The following IQUB variants were observed in gnomAD, a reference collection of about 807,000 sequenced individuals.
IQUB encodes the protein IQ motif and ubiquitin-like domain-containing protein.
In IQUB, 86 loss-of-function variants were observed where a neutral mutation model predicts 86.4. The observed-to-expected ratio is 1.00, with a 90% CI of 0.84 to 1.19. IQUB has a LOEUF of 1.19. IQUB is among the 50% of genes most tolerant of loss of function. IQUB has a pLI of 0.00. For synonymous variants in IQUB, 289 were observed against 304.5 expected (o/e 0.95, Z 0.53); for missense variants, 946 against 916.9 (o/e 1.03, Z -0.41).
At chr7:123,460,340 T>C (rs890808337) in intron 11 of IQUB, among the ~76,000 whole-genome samples, 1 of 152,012 alleles carries the variant, frequency 6.6e-6, no homozygotes, top group Non-Finnish European at 1.5e-5. Flanking sequence ...TTACTATAGA[T>C]TGAGATTTAA....
rs77359931 is a variant in IQUB, at chr7:123,482,274, A to T, written c.1235-2304T>A. On this transcript the variant is annotated intron_variant, in intron 7 of 12. Transcript: ENST00000324698. The stretch of plus-strand genomic sequence containing the variant: ...GATAAAATAAAAATGCATTAATCTA[A>T]GACAGAGCCAAGTAAAAAAAATTAA... Among the ~76,000 whole-genome samples the T allele has an allele frequency of 6.0e-3, 910 of 152,192 alleles. 8 individuals carry two copies. Among genetic ancestry groups the T allele is most frequent in the African/African-American group, 0.02 (846 of 41,552 alleles).
At chr7:123,458,161 A>ATCAAAAAGAGGGGTAATG (rs1770672647) in intron 11 of IQUB, 1 of 152,016 alleles carries the variant, frequency 6.6e-6, no homozygotes, top group South Asian at 2.1e-4. Context: ...GGTTGTTTTA[A>ATCAAAAAGAGGGGTAATG]TCAAAAAGAG....
chr7:123,482,413 A>G (rs1191481339), intron 7 of IQUB, among the ~76,000 whole-genome samples: 1 of 152,026 alleles, frequency 6.6e-6, no homozygotes, highest in Non-Finnish European at 1.5e-5. Context: ...ATTTATATAG[A>G]CATATCATAT....
intron 10 of IQUB, among the ~76,000 whole-genome samples, chr7:123,463,287 T>C (rs1396106935): frequency 1.3e-5 from 2 of 151,746 alleles, no homozygotes; most frequent in African/African-American, 2.4e-5. Flanking sequence ...TGCCACTTTC[T>C]AGGAATTTAC....
chr7:123,454,266 G>A (rs1401991360), intron 12 of IQUB, among the ~76,000 whole-genome samples: 1 of 151,954 alleles, frequency 6.6e-6, no homozygotes, highest in Admixed American at 6.6e-5. Flanking sequence ...GAACTTTATA[G>A]GTTTTCAAGG....
At chr7:123,453,586 G>A (rs1401494361) in intron 12 of IQUB, among the ~76,000 whole-genome samples, 1 of 151,802 alleles carries the variant, frequency 6.6e-6, no homozygotes, top group African/African-American at 2.4e-5. Context: ...ATCACTAAGA[G>A]CCCACCAAGC....
intron 8 of IQUB, among the ~76,000 whole-genome samples, chr7:123,471,019 G>T (rs1794496949): frequency 6.6e-6 from 1 of 152,048 alleles, no homozygotes; most frequent in South Asian, 2.1e-4. Flanking sequence ...CAAAGTAATG[G>T]CATCATATTC....
chr7:123,500,514 A>G lies in IQUB; in HGVS notation c.1023+2083T>C, dbSNP rs549822841. On this transcript the variant is annotated intron_variant, in intron 6 of 12. Coordinates refer to ENST00000324698, the MANE Select transcript of IQUB (RefSeq NM_178827.5). Reference sequence around the variant, plus strand: ...AAATATCATCTTTCTTGAAACAAGAAAGATTTAAAATAGTAAGCAGTGAAC... The same window carrying G: ...AAATATCATCTTTCTTGAAACAAGAGAGATTTAAAATAGTAAGCAGTGAAC... Among the ~76,000 whole-genome samples the G allele has an allele frequency of 3.3e-4, 51 of 152,300 alleles. 1 individual carries two copies. The highest frequency in any genetic ancestry group is 2.5e-3 in the Admixed American group (38 of 15,290).
chr7:123,511,758 G>C (rs995447584), intron 2 of IQUB, among the ~76,000 whole-genome samples, 186 bp downstream of exon 2: 2 of 152,130 alleles, frequency 1.3e-5, no homozygotes, highest in African/African-American at 4.8e-5. Context: ...AGATACTGCA[G>C]AATAGAGAAG....
chr7:123,470,637 G>T (rs1327736201), intron 8 of IQUB, among the ~76,000 whole-genome samples: 1 of 152,134 alleles, frequency 6.6e-6, no homozygotes, highest in African/African-American at 2.4e-5. Context: ...AGATCACGAG[G>T]TCAGGAGATC....
At chr7:123,532,827 C>G (rs895613973) in intron 1 of IQUB, 1 of 152,302 alleles carries the variant, frequency 6.6e-6, no homozygotes, top group Admixed American at 6.5e-5. Flanking sequence ...GGCCTGCGAG[C>G]CCCGTCCCGG....
chr7:123,490,147 C>CA (rs1177678777), intron 7 of IQUB, among the ~76,000 whole-genome samples: 5 of 151,292 alleles, frequency 3.3e-5, no homozygotes, highest in Admixed American at 2.6e-4. Context: ...ATGTTGCCTA[C>CA]AAAAAACACA....
chr7:123,496,839 T>A lies in IQUB; in HGVS notation c.1091A>T (p.Gln364Leu). 1 of 1,612,786 alleles carries A rather than the reference T, an allele frequency of 6.2e-7. No individual in the cohort carries two copies. The highest frequency in any genetic ancestry group is 8.5e-7 in the Non-Finnish European group (1 of 1,179,438). ...AKIFVENLRR[Q>L]KSLRLEWETQ... is the part of the protein sequence containing the mutation. ...TTCCCATTCCAGTCTTAAGCTTTTC[T>A]GTCTTCTTAAATTCTCTACGAAGAT... Residue 364 changes from glutamine to leucine, a missense_variant, in exon 7 of 13, where the codon CAG (glutamine) becomes CTG (leucine). Gln to Leu is a moderately radical substitution (Grantham distance 113). Transcript: ENST00000324698.
intron 1 of IQUB, among the ~76,000 whole-genome samples, chr7:123,516,312 AAAT>A (rs1189898591): frequency 2.0e-5 from 3 of 152,244 alleles, no homozygotes; most frequent in African/African-American, 7.2e-5. Context: ...GGCTGTATAA[AAAT>A]AATGTCATAA....
At chr7:123,507,892 T>G (rs1268705540) in intron 3 of IQUB, among the ~76,000 whole-genome samples, 1 of 151,286 alleles carries the variant, frequency 6.6e-6, no homozygotes, top group African/African-American at 2.4e-5. Context: ...AAAATTAACA[T>G]GAATGTCATA....
At chr7:123,479,553 T>C (rs995363589) in intron 8 of IQUB, among the ~76,000 whole-genome samples, 2 of 152,130 alleles carry the variant, frequency 1.3e-5, no homozygotes, top group Non-Finnish European at 2.9e-5. Context: ...TTTTCCTTCA[T>C]GGCCAATCCC....
chr7:123,513,559 T>C (rs1392431292), intron 1 of IQUB, among the ~76,000 whole-genome samples: 1 of 152,212 alleles, frequency 6.6e-6, no homozygotes. Context: ...GTCCTTTTCA[T>C]AAAATGTTTG....
chr7:123,529,294 CTGTT>C (rs1442685828), intron 1 of IQUB, among the ~76,000 whole-genome samples: 1 of 148,586 alleles, frequency 6.7e-6, no homozygotes, highest in Non-Finnish European at 1.5e-5. Context: ...AACTATATTT[CTGTT>C]TATTTTTAAA....
rs1794171212 is a variant in IQUB, at chr7:123,464,840, T to G, written c.1751A>C (p.Tyr584Ser). 6.4e-7 allele frequency: 1 copy of G among 1,574,404 alleles called. No homozygotes were observed. The highest frequency in any genetic ancestry group is 8.6e-7 in the Non-Finnish European group (1 of 1,162,940). ...GAGAAAAATGTAGAATACCTTAAGG[T>G]ATTTTGCAACTTCAGGATTAAACAG... is the stretch of plus-strand genomic sequence containing the variant. ...TPLFNPEVAKYLKVPQDPLKF... is the reference protein window; with the variant it reads ...TPLFNPEVAKSLKVPQDPLKF... The change falls in exon 10 of 13, where the codon TAC (tyrosine) becomes TCC (serine). Residue 584 changes from tyrosine (Y) to serine (S), a missense_variant. Tyr to Ser is a moderately radical substitution (Grantham distance 144). Transcript: ENST00000324698.
Sources: gnomAD v4.1 joint callset for allele counts (sites outside exome capture counted in the v4.1 genomes callset) on GRCh38, gnomAD v4.1.1 for gene constraint, MANE v1.5 for transcripts, NCBI Gene and HGNC (gene_info 2026-07-23, HGNC 2026-07-21) for gene names.